TMC5: variants seen among roughly 807,000 people sequenced by gnomAD.
TMC5 encodes the protein transmembrane channel-like protein 5.
Under a neutral mutation model 110.5 loss-of-function variants are expected in TMC5, and 86 were observed. The ratio of observed to expected loss-of-function variants is 0.78; its 90% confidence interval spans 0.65 to 0.93. The LOEUF (loss-of-function observed/expected upper bound fraction) is 0.93, where lower values mean the gene tolerates loss of function less well. Ranked by LOEUF, TMC5 falls within the 40% of genes least tolerant of loss-of-function variation. The pLI, the probability that TMC5 is intolerant of heterozygous loss-of-function variation, is 0.00. For missense variants in TMC5, 1,144 were observed against 1,222.8 expected (o/e 0.94, Z 0.96); for synonymous variants, 455 against 439.5 (o/e 1.04, Z -0.44).
intron 12 of TMC5, chr16:19,477,142 G>A (rs2143673603): frequency 1.6e-5 from 4 of 251,642 alleles, no homozygotes; most frequent in South Asian, 1.5e-4. Flanking sequence ...CAGCTACTCG[G>A]GAAGCTGAGG....
intron 15 of TMC5, among the ~76,000 whole-genome samples, chr16:19,483,109 C>T (rs999877858): frequency 6.6e-6 from 1 of 152,038 alleles, no homozygotes; most frequent in African/African-American, 2.4e-5. Flanking sequence ...GACCCACCTG[C>T]CTCAGCCTCC....
chr16:19,440,630 T>C lies in TMC5; in HGVS notation c.592T>C (p.Tyr198His), dbSNP rs778439547. The change falls in exon 3 of 22, where the codon TAC becomes CAC. Residue 198 changes from tyrosine (Y) to histidine (H), a missense_variant. By Grantham distance (83) the Tyr-to-His change is moderately conservative. Coordinates refer to ENST00000542583, the MANE Select transcript of TMC5 (RefSeq NM_001261841.2). ...ACATACAAGTTTTAGAATCAATCCA[T>C]ACGCAGACTCTCTGGGAAAGCCTGA... ...LEHTSFRINP[Y>H]ADSLGKPDYP... 10 of 1,614,076 alleles carry C rather than the reference T, an allele frequency of 6.2e-6. No homozygotes were observed. The South Asian group carries it at 8.8e-5, about 14-fold the overall frequency.
chr16:19,493,180 C>T (rs8059121), intron 19 of TMC5, among the ~76,000 whole-genome samples: 95,375 of 150,448 alleles, frequency 0.63, 31,798 homozygotes, highest in South Asian at 0.76. Context: ...AGGCTGGTCT[C>T]AAACTTCCGA....
rs769538965 is a variant in TMC5, at chr16:19,498,367, G to A, written c.*401G>A. On this transcript the variant is annotated 3_prime_UTR_variant, in exon 22 of 22. Transcript: ENST00000542583. The stretch of plus-strand genomic sequence containing the variant: ...TTTAGAAACTGTTGCTAAGAAAAGT[G>A]GTCCATCCTGAATAAACATGTAATA... The A allele has an allele frequency of 2.5e-5, 5 of 197,340 alleles. No individual in the cohort carries two copies. The highest frequency in any genetic ancestry group is 4.1e-5 in the Non-Finnish European group (4 of 97,138). The allele number at this position is 197,340 out of a possible 1,614,324, so 12.2% of individuals were successfully genotyped here. A position where few individuals can be genotyped will look rare whatever the true frequency, so the allele number is the denominator to read the frequency against.
intron 13 of TMC5, 60 bp downstream of exon 13, chr16:19,477,578 G>A (rs1397376020): frequency 4.2e-6 from 5 of 1,182,526 alleles, no homozygotes; most frequent in African/African-American, 1.5e-5. Flanking sequence ...CAACAGGGAG[G>A]ACAGGGGTTT....
upstream of TMC5, among the ~76,000 whole-genome samples, chr16:19,417,144 T>C (rs899781504): frequency 2.1e-5 from 3 of 143,052 alleles, no homozygotes; most frequent in African/African-American, 7.9e-5. Flanking sequence ...CCAGGCCAGG[T>C]GCAGTGGCTT....
chr16:19,467,774 G>T (rs965081161), intron 9 of TMC5, among the ~76,000 whole-genome samples: 1 of 151,922 alleles, frequency 6.6e-6, no homozygotes, highest in African/African-American at 2.4e-5. Context: ...GAGCCACTGC[G>T]CCCGGCCTGT....
chr16:19,422,205 C>T (rs529730587), intron 1 of TMC5, among the ~76,000 whole-genome samples: 8 of 149,238 alleles, frequency 5.4e-5, no homozygotes, highest in Non-Finnish European at 8.9e-5. Flanking sequence ...TACTCCAGCC[C>T]GGGCAACAGA....
At chr16:19,484,463 G>A (rs1053786480) in intron 15 of TMC5, among the ~76,000 whole-genome samples, 1 of 152,086 alleles carries the variant, frequency 6.6e-6, no homozygotes, top group Admixed American at 6.6e-5. Context: ...CCTACTCACA[G>A]GGTTTTCGAG....
At chr16:19,491,886 C>A (rs1264670408) in intron 18 of TMC5, among the ~76,000 whole-genome samples, 1 of 152,030 alleles carries the variant, frequency 6.6e-6, no homozygotes, top group African/African-American at 2.4e-5. Context: ...GCAATACCTG[C>A]TTTTCTCCTC....
intron 2 of TMC5, among the ~76,000 whole-genome samples, chr16:19,439,053 G>T (rs1173220139): frequency 3.3e-5 from 5 of 152,220 alleles, no homozygotes; most frequent in Non-Finnish European, 7.3e-5. Context: ...TTGAACAATT[G>T]GTTGCCTGTG....
intron 17 of TMC5, among the ~76,000 whole-genome samples, chr16:19,488,759 A>C (rs1968813145): frequency 1.3e-5 from 2 of 152,040 alleles, no homozygotes; most frequent in African/African-American, 4.8e-5. Context: ...TCTATCATTC[A>C]TAATCAGGAA....
rs1020318785 is a variant in TMC5, at chr16:19,434,398, A to C, written c.-80+3758A>C. On this transcript the variant is annotated intron_variant, in intron 2 of 21. Coordinates refer to ENST00000542583, the MANE Select transcript of TMC5 (RefSeq NM_001261841.2). ...GATCTATATATAATATAGATATAATATATATATCATATATATCTATATATA... is the reference window on the plus strand; with the variant it reads ...GATCTATATATAATATAGATATAATCTATATATCATATATATCTATATATA... 2.4e-4 allele frequency among the ~76,000 whole-genome samples: 10 copies of C among 41,766 alleles called. No individual in the cohort carries two copies. In the East Asian group the frequency reaches 0.017, roughly 73 times the overall value. The allele number at this position is 41,766 out of a possible 152,430, so 27.4% of individuals were successfully genotyped here.
At chr16:19,429,121 C>T (rs975712060) in intron 1 of TMC5, among the ~76,000 whole-genome samples, 1 of 152,096 alleles carries the variant, frequency 6.6e-6, no homozygotes, top group Non-Finnish European at 1.5e-5. Context: ...CCACCATGCC[C>T]GACCAGTATT....
chr16:19,451,017 C>T (rs1967735668), intron 5 of TMC5, among the ~76,000 whole-genome samples: 1 of 152,036 alleles, frequency 6.6e-6, no homozygotes, highest in African/African-American at 2.4e-5. Flanking sequence ...GCCTGTAATC[C>T]CAACACTTTG....
chr16:19,498,097 TGACTACC>T lies in TMC5; in HGVS notation c.*132_*138del. 1.2e-6 allele frequency: 1 copy of T among 825,486 alleles called. No homozygotes were observed. Among genetic ancestry groups the T allele is most frequent in the Non-Finnish European group, 2.0e-6 (1 of 495,592 alleles). The allele number at this position is 825,486 out of a possible 1,614,324, so 51.1% of individuals were successfully genotyped here. A position where few individuals can be genotyped will look rare whatever the true frequency, so the allele number is the denominator to read the frequency against. On this transcript the variant is annotated 3_prime_UTR_variant, in exon 22 of 22. Transcript: ENST00000542583. The stretch of plus-strand genomic sequence containing the variant: ...CAAGGCTTTAGCCAGGAGCGGAAAC[TGACTACC>T]ATGTAATTATCAAAGTAAAATTGGG...
chr16:19,419,778 G>A (rs1966943370), intron 1 of TMC5, among the ~76,000 whole-genome samples: 2 of 152,130 alleles, frequency 1.3e-5, no homozygotes, highest in Admixed American at 6.5e-5. Flanking sequence ...AGAAGACAGG[G>A]TCAAGTTCAA....
chr16:19,448,659 AT>A lies in TMC5; in HGVS notation c.959-881del, dbSNP rs1355788255. ...ATATATATTTAATGTAATTTTTTAT[AT>A]TATATTTTATATTAAAATATATATT... On this transcript the variant is annotated intron_variant, in intron 4 of 21. Coordinates refer to ENST00000542583, the MANE Select transcript of TMC5 (RefSeq NM_001261841.2). Among the ~76,000 whole-genome samples, 536 of 139,004 alleles carry A rather than the reference AT, an allele frequency of 3.9e-3. 5 individuals carry two copies. Among genetic ancestry groups the A allele is most frequent in the Middle Eastern group, 0.011 (3 of 278 alleles). 91.2% of individuals were successfully genotyped at this position (139,004 alleles called of 152,430 possible).
chr16:19,436,324 T>C (rs536629888), intron 2 of TMC5, among the ~76,000 whole-genome samples: 2 of 151,584 alleles, frequency 1.3e-5, no homozygotes, highest in East Asian at 3.9e-4. Flanking sequence ...CCGTGAACAT[T>C]TTTCTTATCT....
Sources: allele counts gnomAD v4.1 joint callset (sites outside exome capture counted in the v4.1 genomes callset), GRCh38; gene constraint gnomAD v4.1.1; transcripts MANE v1.5; gene names NCBI Gene and HGNC (gene_info 2026-07-23, HGNC 2026-07-21).